COX15: variants seen among roughly 807,000 people sequenced by gnomAD.
COX15 encodes the protein cytochrome c oxidase assembly factor COX15, also known as heme A synthase COX15.
Under a neutral mutation model 51.9 loss-of-function variants are expected in COX15, and 51 were observed. The ratio of observed to expected loss-of-function variants is 0.98; its 90% CI spans 0.78 to 1.24. COX15 has a LOEUF of 1.24. COX15 is among the 50% of genes most tolerant of loss of function. COX15 has a pLI of 0.00. For missense variants in COX15, 420 were observed against 501.1 expected (o/e 0.84, Z 1.55); for synonymous variants, 188 against 190.5 (o/e 0.99, Z 0.11).
chr10:99,699,746 A>G, the COX15 span, among the ~76,000 whole-genome samples: 1 of 151,960 alleles, frequency 6.6e-6, no homozygotes. Flanking sequence ...TATTATTTTT[A>G]ATAGAGATGG....
At chr10:99,728,346 A>G (rs1269664426) in intron 2 of COX15, among the ~76,000 whole-genome samples, 1 of 152,192 alleles carries the variant, frequency 6.6e-6, no homozygotes, top group Non-Finnish European at 1.5e-5. Flanking sequence ...GTTTGAACCT[A>G]TGATCTCATA....
chr10:99,718,862 CT>C (rs1776096163), intron 6 of COX15, among the ~76,000 whole-genome samples: 3 of 152,184 alleles, frequency 2.0e-5, no homozygotes, highest in Admixed American at 2.0e-4. Context: ...TAGAAATGCT[CT>C]CCCACAGATG....
chr10:99,729,651 C>A lies in COX15; in HGVS notation c.174G>T (p.Val58=). The change falls in exon 2 of 9, where the codon GTG becomes GTT. Residue 58 remains valine, a synonymous_variant. Transcript: ENST00000016171. ...EVALQSGRGT[V]SLPSKAAERV... ...GCTCAGCAGCCTTTGAGGGAAGGGACACTGTACCCCTTCCAGATTGCAAAG... is the reference window on the plus strand; with the variant it reads ...GCTCAGCAGCCTTTGAGGGAAGGGAAACTGTACCCCTTCCAGATTGCAAAG... 2 of 1,614,060 alleles carry A rather than the reference C, an allele frequency of 1.2e-6. No individual in the cohort carries two copies. The highest frequency in any genetic ancestry group is 2.2e-5 in the South Asian group (2 of 91,076).
At chr10:99,709,624 CTCATAACCTGGATCTAAGT>C, downstream of COX15, 1 of 985,406 alleles carries the variant, frequency 1.0e-6, no homozygotes. Context: ...GGCTCATTCT[CTCATAACCTGGATCTAAGT>C]TGGAAAGCTG....
At chr10:99,719,333 C>A (rs2036682860) in intron 6 of COX15, among the ~76,000 whole-genome samples, 1 of 151,894 alleles carries the variant, frequency 6.6e-6, no homozygotes, top group Admixed American at 6.6e-5. Context: ...AATTCTTCTG[C>A]CTCAGCCTCC....
downstream of COX15, chr10:99,710,505 ACT>A (rs1246542787): frequency 4.1e-6 from 4 of 985,022 alleles, no homozygotes; most frequent in South Asian, 1.4e-4. Context: ...AGTTGTTAAG[ACT>A]CTGTTTTTTC....
the COX15 span, chr10:99,705,817 C>A: frequency 6.6e-6 from 1 of 152,232 alleles, no homozygotes; most frequent in Non-Finnish European, 1.5e-5. Context: ...TATTAAGAGA[C>A]TGCTGAGTCA....
At chr10:99,710,838 G>A (rs1743990876), downstream of COX15, 1 of 985,378 alleles carries the variant, frequency 1.0e-6, no homozygotes, top group Non-Finnish European at 1.2e-6. Flanking sequence ...GTCAGTCTAA[G>A]TTACAGACAA....
chr10:99,716,512 A>C, intron 7 of COX15, 51 bp from the exon 8 acceptor site: 1 of 1,274,620 alleles, frequency 7.8e-7, no homozygotes, highest in Non-Finnish European at 1.1e-6. Flanking sequence ...CAGGTTTCTA[A>C]CTCACCTTAC....
intron 7 of COX15, among the ~76,000 whole-genome samples, chr10:99,717,573 A>G (rs930493615): frequency 6.6e-6 from 1 of 152,152 alleles, no homozygotes; most frequent in Non-Finnish European, 1.5e-5. Flanking sequence ...CTCCCAGGCT[A>G]GAATGCAGTA....
Position 99,729,653 on chromosome 10 carries a change from CTG to C in COX15, c.170_171del (p.Thr57SerfsTer9). 6.2e-7 allele frequency: 1 copy of C among 1,614,152 alleles called. No homozygotes were observed. Among genetic ancestry groups the C allele is most frequent in the Middle Eastern group, 1.6e-4 (1 of 6,062 alleles). ...TCAGCAGCCTTTGAGGGAAGGGACA[CTG>C]TACCCCTTCCAGATTGCAAAGCTAC... ...SEVALQSGRG[T>X]VSLPSKAAER... On this transcript the variant is annotated frameshift_variant, in exon 2 of 9. Coordinates refer to ENST00000016171, the MANE Select transcript of COX15 (RefSeq NM_078470.6). LOFTEE classifies it high-confidence loss of function.
the COX15 span, among the ~76,000 whole-genome samples, chr10:99,694,886 AATGGT>A: frequency 6.6e-6 from 1 of 152,230 alleles, no homozygotes; most frequent in Non-Finnish European, 1.5e-5. Context: ...TGCAGGGCAC[AATGGT>A]ATTTTTCACA....
At chr10:99,699,881 C>T in the COX15 span, among the ~76,000 whole-genome samples, 1 of 151,828 alleles carries the variant, frequency 6.6e-6, no homozygotes, top group South Asian at 2.1e-4. Flanking sequence ...TCATATTTCC[C>T]TCCCTCCCTC....
chr10:99,704,799 T>A, the COX15 span: 2 of 952,380 alleles, frequency 2.1e-6, no homozygotes, highest in Non-Finnish European at 1.6e-6. Context: ...TATTTGCCCT[T>A]GGAATTTCTA....
intron 6 of COX15, among the ~76,000 whole-genome samples, chr10:99,719,475 T>A (rs558093638): frequency 1.3e-4 from 19 of 151,860 alleles, no homozygotes; most frequent in African/African-American, 4.6e-4. Context: ...ATTACAGGCA[T>A]AAGCCACCAT....
At position 99,720,847 on chromosome 10, in the gene COX15, C is replaced by CAG. The variant is rs3832650; in HGVS notation, c.832+138_832+139dup. On this transcript the variant is annotated intron_variant, in intron 6 of 8. Coordinates refer to ENST00000016171, the MANE Select transcript of COX15 (RefSeq NM_078470.6). ...TTGGAAGAGAGAAAGGAACAGGAAA[C>CAG]AGGGTGAAGATGGGGGAATGAGAGA... 0.88 allele frequency: 639,245 copies of CAG among 726,906 alleles called. 281,719 individuals are homozygous for CAG. The highest frequency in any genetic ancestry group is 0.94 in the African/African-American group (53,415 of 57,102). 45.0% of individuals were successfully genotyped at this position (726,906 alleles called of 1,614,324 possible). A position where few individuals can be genotyped will look rare whatever the true frequency, so the allele number is the denominator to read the frequency against.
chr10:99,706,952 G>A (rs2036265860), downstream of COX15, among the ~76,000 whole-genome samples: 1 of 152,148 alleles, frequency 6.6e-6, no homozygotes, highest in Admixed American at 6.5e-5. Flanking sequence ...GGAAGTAGTG[G>A]TTGGTCCAGT....
chr10:99,714,648 G>C lies in COX15; in HGVS notation c.1172C>G (p.Ser391Cys). ...AAGAGCACCAGTGAGCAAAGCCAAG[G>C]AGCCTGACTGGTGAGTGGCGGCCAG... ...TPLAATHQSGSLALLTGALWL... is the reference protein window; with the variant it reads ...TPLAATHQSGCLALLTGALWL... The change falls in exon 9 of 9, where the codon TCC (serine) becomes TGC (cysteine). Residue 391 changes from serine to cysteine, a missense_variant. Coordinates refer to ENST00000016171, the MANE Select transcript of COX15 (RefSeq NM_078470.6). 6.2e-7 allele frequency: 1 copy of C among 1,614,116 alleles called. No individual in the cohort carries two copies. The highest frequency in any genetic ancestry group is 8.5e-7 in the Non-Finnish European group (1 of 1,180,018).
chr10:99,719,608 A>G (rs1450459287), intron 6 of COX15, among the ~76,000 whole-genome samples: 2 of 152,084 alleles, frequency 1.3e-5, no homozygotes, highest in Non-Finnish European at 2.9e-5. Context: ...CTCCCGCCTC[A>G]GCCCCCTGAG....
Sources: allele counts gnomAD v4.1 joint callset (sites outside exome capture counted in the v4.1 genomes callset), GRCh38; gene constraint gnomAD v4.1.1; transcripts MANE v1.5; gene names NCBI Gene and HGNC (gene_info 2026-07-23, HGNC 2026-07-21).